Variants in RRM1 observed in about 807,000 individuals in gnomAD.
RRM1 encodes ribonucleotide reductase catalytic subunit M1.
A neutral mutation model predicts 101.5 loss-of-function variants in RRM1; 19 were observed. That is an observed-to-expected ratio of 0.19 (90% CI 0.13 to 0.27). The LOEUF (loss-of-function observed/expected upper bound fraction) is 0.27. RRM1 is among the 10% of genes least tolerant of loss of function. The probability of loss-of-function intolerance (pLI) is 1.00; values close to 1 mark genes in which losing one functional copy is unlikely to be tolerated. For synonymous variants in RRM1, 298 were observed against 323.4 expected (o/e 0.92, Z 0.84); for missense variants, 500 against 962.9 (o/e 0.52, Z 6.36).
rs1456034938 is a variant in RRM1, at chr11:4,121,702, C to T, written c.975C>T (p.Ala325=). ...KKNTGKEEQR[A]RDLFFALWIP... is the part of the protein sequence containing the mutation. ...ACACAGGAAAGGAAGAGCAGCGTGCCAGAGATCTTTTCTTTGCTCTTTGGA... is the reference window on the plus strand; with the variant it reads ...ACACAGGAAAGGAAGAGCAGCGTGCTAGAGATCTTTTCTTTGCTCTTTGGA... Residue 325 remains alanine (A), a synonymous_variant, in exon 10 of 19, where the codon GCC becomes GCT. Coordinates refer to ENST00000300738, the MANE Select transcript of RRM1 (RefSeq NM_001033.5). 6.2e-7 allele frequency: 1 copy of T among 1,613,546 alleles called. No individual in the cohort carries two copies. The highest frequency in any genetic ancestry group is 1.1e-5 in the South Asian group (1 of 90,978).
rs1228610813 is a variant in RRM1 at position 4,111,591 on chromosome 11, CTCTT to C, written c.448-6_448-3del. 1 of 1,588,822 alleles carries C rather than the reference CTCTT, an allele frequency of 6.3e-7. No individual in the cohort carries two copies. The highest frequency in any genetic ancestry group is 8.6e-7 in the Non-Finnish European group (1 of 1,166,794). ...GCTCTGAAAATTTTTTGTTGTTTCT[CTCTT>C]TCTAGACGCTAGAGCGGTCTTATTT... On this transcript the variant is annotated splice_polypyrimidine_tract_variant and splice_region_variant and intron_variant, in intron 5 of 18. Coordinates refer to ENST00000300738, the MANE Select transcript of RRM1 (RefSeq NM_001033.5).
intron 14 of RRM1, among the ~76,000 whole-genome samples, chr11:4,128,553 A>G (rs2094593771): frequency 6.6e-6 from 1 of 152,206 alleles, no homozygotes. Context: ...GAGATTATAA[A>G]TAGCCTGTGC....
chr11:4,130,086 A>ATATATATATATATATATATTTTTTT, intron 15 of RRM1, among the ~76,000 whole-genome samples: 1 of 99,446 alleles, frequency 1.0e-5, no homozygotes, highest in African/African-American at 5.4e-5. Flanking sequence ...ATATATATAT[A>ATATATATATATATATATATTTTTTT]TTTTTTTTTT....
chr11:4,120,377 GT>G (rs201168606), intron 9 of RRM1, among the ~76,000 whole-genome samples: 23 of 145,916 alleles, frequency 1.6e-4, no homozygotes, highest in South Asian at 2.2e-4. Flanking sequence ...TTTTTCTTTC[GT>G]TTTTTTTTTT....
intron 3 of RRM1, among the ~76,000 whole-genome samples, 179 bp from the exon 4 acceptor site, chr11:4,107,256 A>G (rs725519): frequency 0.51 from 76,939 of 152,106 alleles, 20,060 homozygotes; most frequent in Non-Finnish European, 0.58. Flanking sequence ...GTTTCCTTAA[A>G]TGAGGCATTA....
At chr11:4,111,338 G>A (rs2094565231) in intron 5 of RRM1, among the ~76,000 whole-genome samples, 1 of 151,434 alleles carries the variant, frequency 6.6e-6, no homozygotes, top group Non-Finnish European at 1.5e-5. Context: ...ATGAACCCGG[G>A]AGGCAGAGCT....
At chr11:4,126,194 G>A (rs1357513459) in intron 12 of RRM1, among the ~76,000 whole-genome samples, 4 of 152,196 alleles carry the variant, frequency 2.6e-5, no homozygotes, top group African/African-American at 9.7e-5. Flanking sequence ...TGAGGTGGAC[G>A]TGTGTGTTTT....
intron 1 of RRM1, chr11:4,099,342 C>T (rs1162059468): frequency 8.6e-6 from 1 of 116,040 alleles, no homozygotes; most frequent in African/African-American, 3.3e-5. Flanking sequence ...GGGGTTTCAC[C>T]ATATTGGCTA....
chr11:4,119,940 G>T lies in RRM1; in HGVS notation c.876+12G>T. 4 of 1,475,476 alleles carry T rather than the reference G, an allele frequency of 2.7e-6. No individual in the cohort carries two copies. Among genetic ancestry groups the T allele is most frequent in the Non-Finnish European group, 3.8e-6 (4 of 1,054,958 alleles). The allele number at this position is 1,475,476 out of a possible 1,614,324, so 91.4% of individuals were successfully genotyped here. A position where few individuals can be genotyped will look rare whatever the true frequency, so the allele number is the denominator to read the frequency against. On this transcript the variant is annotated intron_variant, in intron 9 of 18. Transcript: ENST00000300738. ...AAGGTGGGAACAAGGTATGCTCCAT[G>T]AATTGAAAGTACTGGAAATCAGAAC...
chr11:4,095,081 G>C, intron 1 of RRM1, 50 bp downstream of exon 1: 1 of 1,548,410 alleles, frequency 6.5e-7, no homozygotes. Flanking sequence ...GATGCGGGCT[G>C]CCGCCGCCGG....
intron 7 of RRM1, among the ~76,000 whole-genome samples, chr11:4,112,648 G>T (rs905736545): frequency 8.5e-5 from 13 of 152,232 alleles, no homozygotes; most frequent in Admixed American, 2.6e-4. Context: ...GTAGGCATGA[G>T]CCACCACGCT....
At position 4,118,508 on chromosome 11, in the gene RRM1, G is replaced by T. The variant is rs905755488; in HGVS notation, c.792+47G>T. 2.5e-6 allele frequency: 4 copies of T among 1,608,258 alleles called. No homozygotes were observed. The African/African-American group carries it at 4.0e-5, about 16-fold the overall frequency. On this transcript the variant is annotated intron_variant, in intron 8 of 18. Coordinates refer to ENST00000300738, the MANE Select transcript of RRM1 (RefSeq NM_001033.5). ...TTTAAAGGGGGATTCAAGTCTAAAA[G>T]CAAACAGATTCATGGTTGAGAGGGC...
intron 2 of RRM1, among the ~76,000 whole-genome samples, chr11:4,103,781 A>ATTTTTTTTT (rs36062278): frequency 4.3e-4 from 49 of 115,230 alleles, no homozygotes; most frequent in Non-Finnish European, 5.4e-4. Context: ...CCACCACGCT[A>ATTTTTTTTT]TTTTTTTTTT....
At chr11:4,101,489 T>G (rs1009076870) in intron 1 of RRM1, among the ~76,000 whole-genome samples, 1 of 149,560 alleles carries the variant, frequency 6.7e-6, no homozygotes, top group Non-Finnish European at 1.5e-5. Flanking sequence ...ATTTTTTGTA[T>G]TTTTAGTAGA....
At chr11:4,116,264 G>C (rs544562781) in intron 7 of RRM1, 1 of 152,428 alleles carries the variant, frequency 6.6e-6, no homozygotes, top group African/African-American at 2.4e-5. Flanking sequence ...CAGGGTGTCC[G>C]AGGTGGCGAT....
intron 2 of RRM1, chr11:4,105,784 C>G: frequency 2.3e-6 from 1 of 425,586 alleles, no homozygotes; most frequent in South Asian, 2.2e-5. Flanking sequence ...AGGCTGGTCT[C>G]GAACTCCTGG....
intron 17 of RRM1, among the ~76,000 whole-genome samples, chr11:4,134,413 G>A (rs2094605676): frequency 6.6e-6 from 1 of 152,220 alleles, no homozygotes; most frequent in Non-Finnish European, 1.5e-5. Context: ...CCAAAAGACA[G>A]AGTCACAAAT....
At position 4,102,069 on chromosome 11, in the gene RRM1, T is replaced by C; in HGVS notation, c.96T>C (p.Asp32=). 1.9e-6 allele frequency: 3 copies of C among 1,556,438 alleles called. No homozygotes were observed. The highest frequency in any genetic ancestry group is 2.3e-5 in the South Asian group (2 of 88,346). ...AGCTTTGTTATGGACTCAATATGGA[T>C]TTTGTTGATCCTGTAAGTAAATATG... is the stretch of plus-strand genomic sequence containing the variant. ...IQKLCYGLNM[D]FVDPAQITMK... is the part of the protein sequence containing the mutation. The change falls in exon 2 of 19, where the codon GAT becomes GAC. Residue 32 remains aspartate (D), a synonymous_variant. Coordinates refer to ENST00000300738, the MANE Select transcript of RRM1 (RefSeq NM_001033.5).
chr11:4,111,751 C>A, intron 6 of RRM1, 111 bp downstream of exon 6: 2 of 1,229,798 alleles, frequency 1.6e-6, no homozygotes, highest in Non-Finnish European at 2.3e-6. Context: ...ACATTTTGGA[C>A]TTTAGGTTTA....
Sources: allele counts gnomAD v4.1 joint callset (sites outside exome capture counted in the v4.1 genomes callset), GRCh38; gene constraint gnomAD v4.1.1; transcripts MANE v1.5; gene names NCBI Gene and HGNC (gene_info 2026-07-23, HGNC 2026-07-21).